Variants in CMIP observed in about 807,000 individuals in gnomAD.
The protein encoded by CMIP is c-Maf inducing protein.
In CMIP, 13 loss-of-function variants were observed where a neutral mutation model predicts 97.3. The observed-to-expected ratio is 0.13, with a 90% CI of 0.09 to 0.21. The LOEUF is 0.21. CMIP is among the 10% of genes least tolerant of loss of function. The probability of loss-of-function intolerance (pLI) is 1.00; values close to 1 mark genes in which losing one functional copy is unlikely to be tolerated. For missense variants in CMIP, 847 were observed against 1,024.9 expected (o/e 0.83, Z 2.37); for synonymous variants, 538 against 436.3 (o/e 1.23, Z -2.91).
In CMIP at chr16:81,616,818, A is replaced by G. The variant is rs2091924885; in HGVS notation, c.427-4058A>G. On this transcript the variant is annotated intron_variant, in intron 2 of 20. Coordinates refer to ENST00000537098, the MANE Select transcript of CMIP (RefSeq NM_198390.3). This position sits in a 1 kb window ranked among gnomAD's most constrained non-coding sequence, Gnocchi z 4.7. ...CAGTGTCTGTGGTCAGTGGCTCTGA[A>G]GAAATCCGTCCCAGGCCTTTAGACA... is the stretch of plus-strand genomic sequence containing the variant. 6.6e-6 allele frequency among the ~76,000 whole-genome samples: 1 copy of G among 152,238 alleles called. No homozygotes were observed. Among genetic ancestry groups the G allele is most frequent in the Non-Finnish European group, 1.5e-5 (1 of 68,034 alleles).
rs750882450 is a variant in CMIP, at chr16:81,678,412, G to T, written c.1172G>T (p.Arg391Leu). ...VSQEATLSEA[R>L]LKSVVVASSE... is the part of the protein sequence containing the mutation. The stretch of plus-strand genomic sequence containing the variant: ...CAGGAAGCCACGCTGTCTGAGGCCC[G>T]GCTCAAGTCGGTGGTCGTGGCCTCC... Residue 391 changes from arginine to leucine, a missense_variant, in exon 10 of 21, where the codon CGG becomes CTG. This residue lies in a region of CMIP where 202 missense variants were observed against 168.7 expected (regional missense o/e 1.20). Transcript: ENST00000537098. The T allele has an allele frequency of 6.3e-7, 1 of 1,599,656 alleles. No homozygotes were observed. The highest frequency in any genetic ancestry group is 8.5e-7 in the Non-Finnish European group (1 of 1,173,826).
At chr16:81,694,587 G>A (rs4888165) in intron 13 of CMIP, among the ~76,000 whole-genome samples, 32,392 of 152,162 alleles carry the variant, frequency 0.21, 3,589 homozygotes, top group Non-Finnish European at 0.24. Context: ...TGTAATTCCA[G>A]AAGTTCTAGA....
chr16:81,645,867 C>T, intron 3 of CMIP: 1 of 531,996 alleles, frequency 1.9e-6, no homozygotes, highest in East Asian at 3.1e-5. Context: ...TCACAGCAAG[C>T]CTTTGACAGT....
intron 1 of CMIP, among the ~76,000 whole-genome samples, chr16:81,507,571 TA>T (rs2089732398): frequency 6.6e-6 from 1 of 152,220 alleles, no homozygotes; most frequent in Non-Finnish European, 1.5e-5. Flanking sequence ...GTGCGTAATG[TA>T]AAACATGGCT....
chr16:81,539,645 G>GT (rs1401230226), intron 1 of CMIP, among the ~76,000 whole-genome samples: 2 of 152,180 alleles, frequency 1.3e-5, no homozygotes, highest in Non-Finnish European at 2.9e-5. Context: ...CCTGCGTCCT[G>GT]TTTCCTTTTC....
At chr16:81,486,073 C>T (rs2089309655) in intron 1 of CMIP, among the ~76,000 whole-genome samples, 1 of 152,242 alleles carries the variant, frequency 6.6e-6, no homozygotes, top group Admixed American at 6.5e-5. Flanking sequence ...TCCCAAAGGC[C>T]ACACGCAAGG....
intron 1 of CMIP, among the ~76,000 whole-genome samples, chr16:81,526,058 T>A (rs1377773932): frequency 1.3e-5 from 2 of 152,060 alleles, no homozygotes; most frequent in Admixed American, 1.3e-4. Flanking sequence ...TGCATTTCAG[T>A]TGCTTCTGCG....
chr16:81,452,509 C>T lies in CMIP; in HGVS notation c.300+6968C>T, dbSNP rs188020578. 4.4e-3 allele frequency among the ~76,000 whole-genome samples: 665 copies of T among 152,202 alleles called. 8 individuals are homozygous for T. The highest frequency in any genetic ancestry group is 0.015 in the African/African-American group (624 of 41,520). On this transcript the variant is annotated intron_variant, in intron 1 of 20. Coordinates refer to ENST00000537098, the MANE Select transcript of CMIP (RefSeq NM_198390.3). ...AGTTAAGAGCAAGTAATTATAAAAT[C>T]CGATGACAGGGATCGTGGAGAAAAG...
At chr16:81,643,835 G>A (rs1178222623) in intron 3 of CMIP, among the ~76,000 whole-genome samples, 1 of 152,122 alleles carries the variant, frequency 6.6e-6, no homozygotes. Context: ...ATTTTATGGT[G>A]TGTGGATTTT....
chr16:81,544,141 C>T (rs948040350), intron 1 of CMIP, among the ~76,000 whole-genome samples: 1 of 152,202 alleles, frequency 6.6e-6, no homozygotes, highest in African/African-American at 2.4e-5. Context: ...TCCCCCCGCC[C>T]CAATTATCCA....
At chr16:81,670,304 G>C in intron 8 of CMIP, 59 bp downstream of exon 8, 2 of 1,527,986 alleles carry the variant, frequency 1.3e-6, no homozygotes, top group Non-Finnish European at 1.8e-6. Flanking sequence ...CTCGGATCCT[G>C]TTTACTCAGA....
chr16:81,615,209 CTATGGTG>C (rs1567611803), intron 2 of CMIP, among the ~76,000 whole-genome samples: 30 of 103,290 alleles, frequency 2.9e-4, no homozygotes, highest in African/African-American at 8.3e-4. Flanking sequence ...GCATGTGTAA[CTATGGTG>C]TGTATGTGTG....
chr16:81,705,488 G>A lies in CMIP; in HGVS notation c.2092-11G>A, dbSNP rs1372115192. ...GGCCGGGAGAGGGCTGAGAGTTTCT[G>A]TGCTCTACAGTTTGGAGACGCTGGC... On this transcript the variant is annotated splice_polypyrimidine_tract_variant and intron_variant, in intron 18 of 20. Transcript: ENST00000537098. 4 of 1,582,266 alleles carry A rather than the reference G, an allele frequency of 2.5e-6. No individual in the cohort carries two copies. The highest frequency in any genetic ancestry group is 2.7e-5 in the African/African-American group (2 of 74,178).
In CMIP at chr16:81,453,897, T is replaced by C. The variant is rs1335847219; in HGVS notation, c.300+8356T>C. 1.3e-5 allele frequency among the ~76,000 whole-genome samples: 2 copies of C among 151,968 alleles called. No homozygotes were observed. Among genetic ancestry groups the C allele is most frequent in the Non-Finnish European group, 2.9e-5 (2 of 68,002 alleles). ...AACTCAGACACACGGCCACACGGAG[T>C]GCAGGGGAAGACTTGGGAACATGGT... On this transcript the variant is annotated intron_variant, in intron 1 of 20. Transcript: ENST00000537098. The surrounding 1 kb of genome is among the most constrained non-coding windows in gnomAD (Gnocchi z 4.0).
chr16:81,512,348 T>C (rs1034860597), intron 1 of CMIP, among the ~76,000 whole-genome samples: 1 of 152,198 alleles, frequency 6.6e-6, no homozygotes, highest in African/African-American at 2.4e-5. Context: ...GCTGGCTGCC[T>C]GATCTATCCA....
chr16:81,694,127 C>G (rs996006356), intron 13 of CMIP, among the ~76,000 whole-genome samples: 1 of 152,210 alleles, frequency 6.6e-6, no homozygotes, highest in African/African-American at 2.4e-5. Flanking sequence ...CTCACAGCAT[C>G]CCTGTGAGTG....
chr16:81,670,903 A>T (rs2092677899), intron 8 of CMIP, among the ~76,000 whole-genome samples: 1 of 152,142 alleles, frequency 6.6e-6, no homozygotes, highest in Non-Finnish European at 1.5e-5. Context: ...GTCTCGGCTT[A>T]CTGCAACCTC....
At chr16:81,656,835 T>C (rs1217401199) in intron 4 of CMIP, among the ~76,000 whole-genome samples, 1 of 152,114 alleles carries the variant, frequency 6.6e-6, no homozygotes, top group Non-Finnish European at 1.5e-5. Flanking sequence ...TTGGCCAGGC[T>C]GATCTTGAAC....
intron 1 of CMIP, among the ~76,000 whole-genome samples, chr16:81,489,788 C>T (rs1207180913): frequency 1.3e-5 from 2 of 152,214 alleles, no homozygotes; most frequent in Non-Finnish European, 2.9e-5. Context: ...ACGCTGGGAG[C>T]TTTTGGCAAA....
Sources: allele counts gnomAD v4.1 joint callset (sites outside exome capture counted in the v4.1 genomes callset), GRCh38; gene constraint gnomAD v4.1.1; regional missense constraint gnomAD v4.1.1; non-coding constraint Gnocchi (gnomAD v3.1); transcripts MANE v1.5; gene names NCBI Gene and HGNC (gene_info 2026-07-23, HGNC 2026-07-21).